PPFIA1: variants seen among roughly 807,000 people sequenced by gnomAD.
The protein encoded by PPFIA1 is PPFI scaffold protein A1.
PPFIA1 carries 25 observed loss-of-function variants against 149.9 expected under a neutral mutation model. The observed-to-expected ratio is 0.17, with a 90% confidence interval of 0.12 to 0.23. The LOEUF (loss-of-function observed/expected upper bound fraction) is 0.23. PPFIA1 is among the 10% of genes least tolerant of loss of function. The pLI is 1.00. For synonymous variants in PPFIA1, 549 were observed against 552.8 expected, an observed-to-expected ratio of 0.99 and a Z score of 0.10; for missense variants, 1,362 against 1,506.5, an observed-to-expected ratio of 0.90 and a Z score of 1.59.
At chr11:70,370,432 G>C (rs1010311442) in intron 21 of PPFIA1, among the ~76,000 whole-genome samples, 2 of 151,596 alleles carry the variant, frequency 1.3e-5, no homozygotes, top group African/African-American at 2.4e-5. Flanking sequence ...TATCTCCCAG[G>C]CTGGAGTGCA....
intron 2 of PPFIA1, among the ~76,000 whole-genome samples, chr11:70,289,159 A>G (rs1461105799): frequency 6.6e-6 from 1 of 151,668 alleles, no homozygotes; most frequent in East Asian, 1.9e-4. Context: ...TTTAGTATTG[A>G]TGGGGTTTCA....
chr11:70,343,574 C>A, intron 14 of PPFIA1, 95 bp from the exon 15 acceptor site: 1 of 1,129,060 alleles, frequency 8.9e-7, no homozygotes, highest in Non-Finnish European at 1.3e-6. Flanking sequence ...ATCTTTTGGG[C>A]TTTCATTAAA....
At chr11:70,344,879 T>C (rs1162860511) in intron 15 of PPFIA1, among the ~76,000 whole-genome samples, 2 of 152,186 alleles carry the variant, frequency 1.3e-5, no homozygotes, top group Non-Finnish European at 2.9e-5. Context: ...ACAGTGAACA[T>C]TTCGTAGTTC....
intron 2 of PPFIA1, chr11:70,319,799 C>T (rs1382231985): frequency 4.6e-5 from 7 of 152,382 alleles, no homozygotes; most frequent in Admixed American, 1.3e-4. Context: ...TGCCCCAGCC[C>T]TGCTGAAGCC....
intron 2 of PPFIA1, among the ~76,000 whole-genome samples, chr11:70,310,425 C>T (rs566073962): frequency 1.1e-4 from 16 of 143,556 alleles, no homozygotes; most frequent in East Asian, 6.1e-4. Context: ...CTTGCTCTGT[C>T]GACAGGCTGG....
intron 10 of PPFIA1, among the ~76,000 whole-genome samples, chr11:70,333,768 G>A (rs556669315): frequency 6.6e-6 from 1 of 152,148 alleles, no homozygotes; most frequent in Admixed American, 6.5e-5. Context: ...TGGGAGCTGC[G>A]GAAGAAATTT....
intron 2 of PPFIA1, among the ~76,000 whole-genome samples, chr11:70,309,925 T>C (rs2053147912): frequency 6.6e-6 from 1 of 152,158 alleles, no homozygotes; most frequent in African/African-American, 2.4e-5. Context: ...AATTAGATAG[T>C]GGTAATGGTA....
intron 2 of PPFIA1, among the ~76,000 whole-genome samples, chr11:70,302,043 A>G (rs924120387): frequency 6.6e-6 from 1 of 152,238 alleles, no homozygotes; most frequent in Non-Finnish European, 1.5e-5. Context: ...TGGACTCACG[A>G]AAGTGCAGTG....
At chr11:70,371,129 C>G (rs999539777) in intron 21 of PPFIA1, among the ~76,000 whole-genome samples, 10 of 152,108 alleles carry the variant, frequency 6.6e-5, no homozygotes, top group African/African-American at 2.4e-4. Context: ...GAGCAATTTC[C>G]CCTTGTAATT....
chr11:70,276,998 T>G (rs1370714011), intron 2 of PPFIA1, among the ~76,000 whole-genome samples: 1 of 142,102 alleles, frequency 7.0e-6, no homozygotes, highest in Non-Finnish European at 1.5e-5. Flanking sequence ...TTGCATTAAT[T>G]TCTACTTTTT....
intron 1 of PPFIA1, 62 bp downstream of exon 1, chr11:70,270,976 C>T (rs1466342104): frequency 1.3e-5 from 2 of 151,724 alleles, no homozygotes; most frequent in Non-Finnish European, 2.9e-5. Flanking sequence ...GTCCCGGTCT[C>T]CGCGGCGGCC....
At chr11:70,310,426 G>T (rs1209662166) in intron 2 of PPFIA1, among the ~76,000 whole-genome samples, 2 of 143,556 alleles carry the variant, frequency 1.4e-5, no homozygotes, top group Admixed American at 7.3e-5. Flanking sequence ...TTGCTCTGTC[G>T]ACAGGCTGGA....
chr11:70,296,736 G>A (rs2052061186), intron 2 of PPFIA1, among the ~76,000 whole-genome samples: 3 of 125,782 alleles, frequency 2.4e-5, no homozygotes, highest in African/African-American at 6.8e-5. Context: ...GGAGGGAGAG[G>A]GAGAGGGAGA....
chr11:70,326,377 C>T lies in PPFIA1; in HGVS notation c.708+14C>T. ...ACGAGTGGAAAGGCAAGTCTGTAGG[C>T]TTTGTCTTTATTCTGTTTGATTTCA... On this transcript the variant is annotated intron_variant, in intron 6 of 27. Coordinates refer to ENST00000253925, the MANE Select transcript of PPFIA1 (RefSeq NM_003626.5). 3 of 1,554,126 alleles carry T rather than the reference C, an allele frequency of 1.9e-6. No homozygotes were observed. The highest frequency in any genetic ancestry group is 2.7e-6 in the Non-Finnish European group (3 of 1,131,838).
At chr11:70,347,372 G>A (rs72947066) in intron 15 of PPFIA1, among the ~76,000 whole-genome samples, 2,260 of 152,240 alleles carry the variant, frequency 0.015, 20 homozygotes, top group Non-Finnish European at 0.024. Context: ...TCAATGGAAG[G>A]TTTACTTTTT....
In PPFIA1 at chr11:70,372,296, T is replaced by A. The variant is rs745445450; in HGVS notation, c.2947T>A (p.Tyr983Asn). The change falls in exon 22 of 28, where the codon TAC becomes AAC. Residue 983 changes from tyrosine (Y) to asparagine (N), a missense_variant. By Grantham distance (143) the Tyr-to-Asn change is moderately radical. This residue lies in a region of PPFIA1 where 349 missense variants were observed against 373.3 expected (regional missense o/e 0.93). Coordinates refer to ENST00000253925, the MANE Select transcript of PPFIA1 (RefSeq NM_003626.5). The stretch of plus-strand genomic sequence containing the variant: ...CCTGGGCCTCCCCCAGTACCGCAGC[T>A]ACTTCATGGAGTGCCTTGTAGACGC... The part of the protein sequence containing the change: ...PSLGLPQYRS[Y>N]FMECLVDARM... The A allele has an allele frequency of 6.2e-7, 1 of 1,614,240 alleles. No homozygotes were observed. The highest frequency in any genetic ancestry group is 8.5e-7 in the Non-Finnish European group (1 of 1,180,044).
At chr11:70,324,728 C>A in intron 3 of PPFIA1, 119 bp from the exon 4 acceptor site, 2 of 1,053,638 alleles carry the variant, frequency 1.9e-6, no homozygotes, top group Non-Finnish European at 2.8e-6. Flanking sequence ...ATTTGTTTTT[C>A]TGCGGAATTG....
intron 2 of PPFIA1, among the ~76,000 whole-genome samples, chr11:70,278,326 G>A (rs2050542460): frequency 6.6e-6 from 1 of 152,138 alleles, no homozygotes; most frequent in Admixed American, 6.5e-5. Context: ...GTGAGCCACT[G>A]TGCCCAATTT....
At chr11:70,318,776 T>C (rs1189376911) in intron 2 of PPFIA1, among the ~76,000 whole-genome samples, 1 of 152,256 alleles carries the variant, frequency 6.6e-6, no homozygotes, top group African/African-American at 2.4e-5. Flanking sequence ...TTTGATCCAC[T>C]GGCATCAGTG....
Sources: gnomAD v4.1 joint callset for allele counts (sites outside exome capture counted in the v4.1 genomes callset) on GRCh38, gnomAD v4.1.1 for gene constraint, gnomAD v4.1.1 regional missense constraint, MANE v1.5 for transcripts, NCBI Gene and HGNC (gene_info 2026-07-23, HGNC 2026-07-21) for gene names.